Variants in KCNMB2 observed in about 807,000 individuals in gnomAD.
KCNMB2 encodes calcium-activated potassium channel subunit beta-2.
KCNMB2 carries 9 observed loss-of-function variants against 24.5 expected under a neutral mutation model. The observed-to-expected ratio is 0.37, with a 90% CI of 0.22 to 0.64. The LOEUF (loss-of-function observed/expected upper bound fraction) is 0.64. KCNMB2 is among the 30% of genes least tolerant of loss of function. KCNMB2 has a pLI of 0.63. For missense variants in KCNMB2, 226 were observed against 284.3 expected, an observed-to-expected ratio of 0.79 and a Z score of 1.47; for synonymous variants, 109 against 104.4, an observed-to-expected ratio of 1.04 and a Z score of -0.27.
At chr3:178,775,140 T>C (rs1418626419) in intron 1 of KCNMB2, among the ~76,000 whole-genome samples, 25 of 152,234 alleles carry the variant, frequency 1.6e-4, no homozygotes, top group Non-Finnish European at 3.5e-4. Flanking sequence ...AGAACTAATA[T>C]ATGATTCATA....
At chr3:178,737,581 C>T (rs1723359080) in intron 1 of KCNMB2, among the ~76,000 whole-genome samples, 1 of 152,138 alleles carries the variant, frequency 6.6e-6, no homozygotes, top group Non-Finnish European at 1.5e-5. Flanking sequence ...CAACCATTTG[C>T]TAAATAATTT....
intron 4 of KCNMB2, among the ~76,000 whole-genome samples, chr3:178,839,717 T>G (rs1577228310): frequency 6.6e-6 from 1 of 152,146 alleles, no homozygotes; most frequent in African/African-American, 2.4e-5. Context: ...AACCATCACA[T>G]CTCATGAGAA....
chr3:178,725,963 T>C (rs1559991082), intron 1 of KCNMB2, among the ~76,000 whole-genome samples: 1 of 151,936 alleles, frequency 6.6e-6, no homozygotes, highest in Non-Finnish European at 1.5e-5. Flanking sequence ...TGAATTTAGC[T>C]CTCCCATTTT....
intron 1 of KCNMB2, among the ~76,000 whole-genome samples, chr3:178,796,718 A>G (rs1172536333): frequency 6.6e-6 from 1 of 152,154 alleles, no homozygotes; most frequent in Admixed American, 6.5e-5. Flanking sequence ...TGGAAATACA[A>G]CATAGCAAAA....
At chr3:178,712,433 T>A (rs1291370821) in intron 1 of KCNMB2, among the ~76,000 whole-genome samples, 4 of 152,206 alleles carry the variant, frequency 2.6e-5, no homozygotes, top group African/African-American at 9.6e-5. Flanking sequence ...TTATTGAATG[T>A]TTCCCAGGTG....
intron 1 of KCNMB2, among the ~76,000 whole-genome samples, chr3:178,774,873 T>A (rs2108425107): frequency 6.6e-6 from 1 of 152,324 alleles, no homozygotes; most frequent in Non-Finnish European, 1.5e-5. Context: ...TGTTGTGCAT[T>A]CCTTCTACCT....
intron 1 of KCNMB2, among the ~76,000 whole-genome samples, chr3:178,735,792 A>G (rs1260612152): frequency 6.6e-6 from 1 of 152,228 alleles, no homozygotes; most frequent in African/African-American, 2.4e-5. Flanking sequence ...AGAGAAGAGT[A>G]AGGATTAATG....
chr3:178,641,083 T>C (rs1719712210), intron 1 of KCNMB2, among the ~76,000 whole-genome samples: 1 of 152,214 alleles, frequency 6.6e-6, no homozygotes. Context: ...AATACTACAC[T>C]GTCATGATTT....
At chr3:178,772,378 A>G (rs931565240) in intron 1 of KCNMB2, among the ~76,000 whole-genome samples, 2 of 152,168 alleles carry the variant, frequency 1.3e-5, no homozygotes, top group African/African-American at 4.8e-5. Context: ...GGAGGCTGGA[A>G]GGATGCAACT....
At chr3:178,758,565 T>C (rs1368628952) in intron 1 of KCNMB2, among the ~76,000 whole-genome samples, 4 of 62,646 alleles carry the variant, frequency 6.4e-5, no homozygotes, top group African/African-American at 2.5e-4. Context: ...AGAGGAGATA[T>C]ATATATATAT....
At chr3:178,809,762 C>T (rs1714113401) in intron 2 of KCNMB2, among the ~76,000 whole-genome samples, 1 of 152,190 alleles carries the variant, frequency 6.6e-6, no homozygotes, top group Non-Finnish European at 1.5e-5. Flanking sequence ...TAGTATTCTG[C>T]ATCAGTAAGA....
chr3:178,601,667 A>G (rs1718088074), intron 1 of KCNMB2, among the ~76,000 whole-genome samples: 1 of 152,152 alleles, frequency 6.6e-6, no homozygotes, highest in African/African-American at 2.4e-5. Context: ...TCCTCATTCT[A>G]TTTTACCTAG....
At chr3:178,614,291 ATATATGTATG>A (rs1718618821) in intron 1 of KCNMB2, among the ~76,000 whole-genome samples, 1 of 104,238 alleles carries the variant, frequency 9.6e-6, no homozygotes, top group Non-Finnish European at 1.9e-5. Flanking sequence ...ATATATATAT[ATATATGTATG>A]TATATATATG....
At chr3:178,595,759 C>T (rs1472486587) in intron 1 of KCNMB2, among the ~76,000 whole-genome samples, 1 of 152,090 alleles carries the variant, frequency 6.6e-6, no homozygotes, top group East Asian at 1.9e-4. Context: ...ATAAATTACC[C>T]AGTCTCGGGT....
chr3:178,729,172 G>A (rs944919806), intron 1 of KCNMB2: 2 of 152,112 alleles, frequency 1.3e-5, no homozygotes, highest in African/African-American at 4.8e-5. Context: ...TGGAGAAGGA[G>A]GAAAGAAACA....
At chr3:178,778,121 C>T (rs531696387) in intron 1 of KCNMB2, among the ~76,000 whole-genome samples, 11 of 152,166 alleles carry the variant, frequency 7.2e-5, no homozygotes, top group South Asian at 4.1e-4. Context: ...ATTCATTTAA[C>T]GTGTTTTGAA....
At chr3:178,582,319 A>T (rs985634557) in intron 1 of KCNMB2, among the ~76,000 whole-genome samples, 2 of 152,184 alleles carry the variant, frequency 1.3e-5, no homozygotes, top group Non-Finnish European at 2.9e-5. Context: ...TAATGAGAAC[A>T]CGTTGACACA....
chr3:178,618,694 T>G (rs1326586425), intron 1 of KCNMB2, among the ~76,000 whole-genome samples: 1 of 152,208 alleles, frequency 6.6e-6, no homozygotes, highest in Admixed American at 6.5e-5. Context: ...CCCTTCCCAT[T>G]TTTCCATCTT....
At chr3:178,618,545 G>C (rs949475041) in intron 1 of KCNMB2, among the ~76,000 whole-genome samples, 1 of 152,116 alleles carries the variant, frequency 6.6e-6, no homozygotes, top group Non-Finnish European at 1.5e-5. Context: ...CTCTCTTTAT[G>C]CCTCCTTTTC....
Sources: gnomAD v4.1 joint callset for allele counts (sites outside exome capture counted in the v4.1 genomes callset) on GRCh38, gnomAD v4.1.1 for gene constraint, MANE v1.5 for transcripts, NCBI Gene and HGNC (gene_info 2026-07-23, HGNC 2026-07-21) for gene names.